SOX5: variants seen among roughly 807,000 people sequenced by gnomAD.
The protein encoded by SOX5 is transcription factor SOX-5.
A neutral mutation model predicts 92.0 loss-of-function variants in SOX5; 9 were observed. The observed-to-expected ratio is 0.10, with a 90% CI of 0.06 to 0.17. The LOEUF (loss-of-function observed/expected upper bound fraction) is 0.17, where lower values mean the gene tolerates loss of function less well. Among genes scored for constraint, SOX5 ranks in the 10% least tolerant of loss-of-function variants. The pLI, the probability that SOX5 is intolerant of heterozygous loss-of-function variation, is 1.00. For synonymous variants in SOX5, 344 were observed against 336.3 expected (o/e 1.02, Z -0.25); for missense variants, 642 against 944.5 (o/e 0.68, Z 4.20).
At chr12:23,756,073 T>C (rs972634508) in intron 3 of SOX5, among the ~76,000 whole-genome samples, 3 of 151,772 alleles carry the variant, frequency 2.0e-5, no homozygotes, top group African/African-American at 7.3e-5. Flanking sequence ...AATAATTATG[T>C]TGATAAAATG....
chr12:24,231,267 T>G (rs552636534), intron 3 of SOX5, among the ~76,000 whole-genome samples: 11 of 152,098 alleles, frequency 7.2e-5, no homozygotes, highest in African/African-American at 2.7e-4. Flanking sequence ...CTCTCTTTCC[T>G]GTTTTCAACA....
intron 9 of SOX5, among the ~76,000 whole-genome samples, chr12:23,590,820 A>C (rs557823772): frequency 2.0e-4 from 30 of 152,150 alleles, no homozygotes; most frequent in African/African-American, 7.0e-4. Context: ...ATTTTTAAAA[A>C]TTTATATAAA....
At chr12:24,196,903 GAAAAACAAAAAAC>G (rs1565634535) in intron 4 of SOX5, among the ~76,000 whole-genome samples, 1 of 151,750 alleles carries the variant, frequency 6.6e-6, no homozygotes, top group Non-Finnish European at 1.5e-5. Context: ...ACCCTGTCTT[GAAAAACAAAAAAC>G]AAAAACAAAA....
intron 1 of SOX5, among the ~76,000 whole-genome samples, chr12:24,486,328 G>A (rs1946525868): frequency 6.6e-6 from 1 of 152,178 alleles, no homozygotes. Flanking sequence ...CGAAGTGTGA[G>A]TTTCTTCTCT....
chr12:24,432,476 G>A (rs1249765398), intron 1 of SOX5, among the ~76,000 whole-genome samples: 2 of 152,082 alleles, frequency 1.3e-5, no homozygotes, highest in African/African-American at 2.4e-5. Flanking sequence ...ATCCCTAGTA[G>A]CAGTTCTCTG....
At chr12:24,202,718 C>A (rs574223771) in intron 4 of SOX5, among the ~76,000 whole-genome samples, 3 of 152,120 alleles carry the variant, frequency 2.0e-5, no homozygotes, top group South Asian at 4.1e-4. Flanking sequence ...GATATTTCTT[C>A]GTGATTAAAT....
intron 6 of SOX5, among the ~76,000 whole-genome samples, chr12:23,673,853 C>T (rs1399709570): frequency 6.6e-6 from 1 of 151,824 alleles, no homozygotes; most frequent in Non-Finnish European, 1.5e-5. Context: ...TGGTTGCAAA[C>T]CATTGTGAAT....
chr12:24,196,769 G>A (rs1321057692), intron 4 of SOX5, among the ~76,000 whole-genome samples: 1 of 152,142 alleles, frequency 6.6e-6, no homozygotes, highest in Non-Finnish European at 1.5e-5. Context: ...CAGGCGTGGT[G>A]GTGCAAGCCT....
chr12:24,346,686 T>G (rs1953314986), intron 2 of SOX5, among the ~76,000 whole-genome samples: 1 of 152,024 alleles, frequency 6.6e-6, no homozygotes, highest in Non-Finnish European at 1.5e-5. Context: ...CTCCTGACCT[T>G]GTGATCCACC....
chr12:24,274,887 C>G (rs1944252084), intron 3 of SOX5, among the ~76,000 whole-genome samples: 1 of 152,166 alleles, frequency 6.6e-6, no homozygotes, highest in African/African-American at 2.4e-5. Context: ...GGCATGCATA[C>G]CAGAAGCCTT....
chr12:24,293,408 A>G (rs916538000), intron 2 of SOX5, among the ~76,000 whole-genome samples: 1 of 152,174 alleles, frequency 6.6e-6, no homozygotes, highest in South Asian at 2.1e-4. Flanking sequence ...TTATACAGTC[A>G]CCAGTTAAGT....
chr12:24,236,682 T>C (rs901848870), intron 3 of SOX5, among the ~76,000 whole-genome samples: 3 of 152,230 alleles, frequency 2.0e-5, no homozygotes, highest in Non-Finnish European at 2.9e-5. Flanking sequence ...AATTCAAATT[T>C]GCAAAGCACT....
chr12:23,877,902 AG>A (rs1265181825), intron 2 of SOX5, among the ~76,000 whole-genome samples: 1 of 151,970 alleles, frequency 6.6e-6, no homozygotes, highest in Non-Finnish European at 1.5e-5. Flanking sequence ...TATATAAAAA[AG>A]TTTATCTAGT....
At chr12:23,684,414 A>G (rs1054823338) in intron 6 of SOX5, among the ~76,000 whole-genome samples, 1 of 152,012 alleles carries the variant, frequency 6.6e-6, no homozygotes, top group Non-Finnish European at 1.5e-5. Context: ...ATTGTCTTAC[A>G]TAAAGGCAGC....
chr12:23,598,438 G>T (rs1259021357), intron 9 of SOX5, among the ~76,000 whole-genome samples: 1 of 116,112 alleles, frequency 8.6e-6, no homozygotes, highest in African/African-American at 3.4e-5. Context: ...TCCCTCTGTT[G>T]CCCAGGCTGG....
intron 6 of SOX5, among the ~76,000 whole-genome samples, chr12:23,681,888 T>C (rs983524043): frequency 6.6e-6 from 1 of 151,732 alleles, no homozygotes; most frequent in Admixed American, 6.6e-5. Context: ...CAGGAAGACA[T>C]AATAATTTTT....
chr12:24,492,349 T>C (rs1947179196), intron 1 of SOX5, among the ~76,000 whole-genome samples: 1 of 152,180 alleles, frequency 6.6e-6, no homozygotes, highest in South Asian at 2.1e-4. Flanking sequence ...TCACCTTCTT[T>C]GGTGTGAAGC....
intron 2 of SOX5, among the ~76,000 whole-genome samples, chr12:24,339,166 CACACACA>C (rs1952281323): frequency 2.7e-5 from 3 of 113,106 alleles, no homozygotes; most frequent in Non-Finnish European, 5.8e-5. Context: ...CTCTCTGCCA[CACACACA>C]CACACACACA....
intron 10 of SOX5, among the ~76,000 whole-genome samples, chr12:23,573,098 C>T (rs998129057): frequency 1.2e-4 from 18 of 152,206 alleles, no homozygotes; most frequent in South Asian, 4.2e-4. Context: ...TTAATCCCTT[C>T]CCATCACTTT....
Sources: gnomAD v4.1 joint callset for allele counts (sites outside exome capture counted in the v4.1 genomes callset) on GRCh38, gnomAD v4.1.1 for gene constraint, MANE v1.5 for transcripts, NCBI Gene and HGNC (gene_info 2026-07-23, HGNC 2026-07-21) for gene names.